Variants in ACBD6 observed in about 807,000 individuals in gnomAD.
The protein encoded by ACBD6 is acyl-CoA-binding domain-containing protein 6.
A neutral mutation model predicts 37.2 loss-of-function variants in ACBD6; 28 were observed. The observed-to-expected ratio is 0.75, with a 90% CI of 0.56 to 1.03. The LOEUF is 1.03. ACBD6 is among the 50% of genes least tolerant of loss of function. The pLI, the probability that ACBD6 is intolerant of heterozygous loss-of-function variation, is 0.00. For missense variants in ACBD6, 340 were observed against 337.4 expected, an observed-to-expected ratio of 1.01 and a Z score of -0.06; for synonymous variants, 113 against 126.8, an observed-to-expected ratio of 0.89 and a Z score of 0.73.
chr1:180,301,158 A>G (rs1476954492), intron 7 of ACBD6, among the ~76,000 whole-genome samples: 1 of 152,168 alleles, frequency 6.6e-6, no homozygotes, highest in East Asian at 1.9e-4. Flanking sequence ...TAACACCACT[A>G]CTGTATATCT....
At chr1:180,501,303 CAAT>C (rs1334300113) in intron 1 of ACBD6, among the ~76,000 whole-genome samples, 1 of 151,940 alleles carries the variant, frequency 6.6e-6, no homozygotes, top group Non-Finnish European at 1.5e-5. Context: ...ATAAAAATCA[CAAT>C]AAAAGTTGTA....
chr1:180,446,815 CG>C (rs1649493608), intron 3 of ACBD6, among the ~76,000 whole-genome samples: 1 of 152,006 alleles, frequency 6.6e-6, no homozygotes, highest in South Asian at 2.1e-4. Flanking sequence ...CAGAGGCAGG[CG>C]GATTACCCGA....
intron 6 of ACBD6, among the ~76,000 whole-genome samples, chr1:180,387,059 G>T (rs1304717241): frequency 6.6e-6 from 1 of 152,126 alleles, no homozygotes; most frequent in African/African-American, 2.4e-5. Context: ...TGCAGCTCCT[G>T]ATCTACTTTT....
At chr1:180,475,275 G>A (rs1042055258) in intron 3 of ACBD6, among the ~76,000 whole-genome samples, 15 of 152,124 alleles carry the variant, frequency 9.9e-5, no homozygotes, top group South Asian at 2.1e-4. Flanking sequence ...CCACCATCTC[G>A]GAAAGTTTCC....
At chr1:180,348,975 C>T (rs1652296531) in intron 6 of ACBD6, among the ~76,000 whole-genome samples, 1 of 152,048 alleles carries the variant, frequency 6.6e-6, no homozygotes, top group African/African-American at 2.4e-5. Flanking sequence ...AAAAATATAA[C>T]AGAATATTAC....
At chr1:180,335,916 G>C (rs1334967599) in intron 6 of ACBD6, among the ~76,000 whole-genome samples, 12,819 of 135,562 alleles carry the variant, frequency 0.095, 494 homozygotes, top group Middle Eastern at 0.16. Context: ...AGACAAAGAA[G>C]GCCATTACAT....
chr1:180,284,939 AC>A (rs1341146540), downstream of ACBD6, among the ~76,000 whole-genome samples: 10 of 151,968 alleles, frequency 6.6e-5, no homozygotes, highest in Non-Finnish European at 1.2e-4. Flanking sequence ...ATCACTTAAG[AC>A]CAGGAGTTCT....
chr1:180,412,679 G>A (rs1023821700), intron 5 of ACBD6, among the ~76,000 whole-genome samples: 9 of 151,958 alleles, frequency 5.9e-5, no homozygotes, highest in African/African-American at 1.5e-4. Context: ...CAACCCGGGC[G>A]ACATAGCAAG....
At chr1:180,371,636 A>G (rs1225429012) in intron 6 of ACBD6, among the ~76,000 whole-genome samples, 1 of 152,146 alleles carries the variant, frequency 6.6e-6, no homozygotes, top group Non-Finnish European at 1.5e-5. Context: ...AATTTCACCA[A>G]AGTGAGGAAC....
intron 3 of ACBD6, among the ~76,000 whole-genome samples, chr1:180,442,289 G>C (rs1042233242): frequency 6.9e-5 from 10 of 144,862 alleles, no homozygotes; most frequent in Admixed American, 4.1e-4. Context: ...TCAACTAGGG[G>C]CACTTTTTTT....
intron 6 of ACBD6, among the ~76,000 whole-genome samples, chr1:180,377,335 A>G (rs1359280410): frequency 6.6e-6 from 1 of 152,236 alleles, no homozygotes; most frequent in Non-Finnish European, 1.5e-5. Context: ...ACATATACAT[A>G]TATTTTGTAG....
At chr1:180,366,060 C>A (rs1268221740) in intron 6 of ACBD6, among the ~76,000 whole-genome samples, 1 of 152,136 alleles carries the variant, frequency 6.6e-6, no homozygotes, top group Non-Finnish European at 1.5e-5. Context: ...TTTAAAAGAA[C>A]ATTTAAAATT....
intron 6 of ACBD6, among the ~76,000 whole-genome samples, chr1:180,321,978 T>C (rs116440042): frequency 5.3e-5 from 8 of 152,140 alleles, no homozygotes; most frequent in African/African-American, 1.9e-4. Flanking sequence ...CCATTCACTA[T>C]GATACTAGCT....
intron 4 of ACBD6, among the ~76,000 whole-genome samples, chr1:180,413,749 C>T (rs1647960761): frequency 6.6e-6 from 1 of 151,798 alleles, no homozygotes; most frequent in African/African-American, 2.4e-5. Context: ...CAAAGAAAAT[C>T]AATTAGACAA....
chr1:180,486,938 G>A (rs1206344518), intron 3 of ACBD6, among the ~76,000 whole-genome samples: 1 of 152,016 alleles, frequency 6.6e-6, no homozygotes, highest in East Asian at 1.9e-4. Context: ...TAATTATAAG[G>A]AAACACCAGG....
At chr1:180,424,903 C>T (rs1432562142) in intron 4 of ACBD6, among the ~76,000 whole-genome samples, 1 of 152,084 alleles carries the variant, frequency 6.6e-6, no homozygotes, top group African/African-American at 2.4e-5. Context: ...ATGAAGCACG[C>T]TAGAAAAGGG....
intron 6 of ACBD6, among the ~76,000 whole-genome samples, chr1:180,382,980 T>C (rs1410799521): frequency 6.6e-6 from 1 of 152,138 alleles, no homozygotes; most frequent in Admixed American, 6.5e-5. Context: ...GAAAAAGCAT[T>C]TGATAGAATT....
chr1:180,498,865 A>T (rs1651841255), intron 1 of ACBD6, among the ~76,000 whole-genome samples: 1 of 152,156 alleles, frequency 6.6e-6, no homozygotes, highest in South Asian at 2.1e-4. Flanking sequence ...CAAAAAAAAA[A>T]AAAAAAGTAT....
chr1:180,498,823 A>G (rs1453048253), intron 1 of ACBD6, among the ~76,000 whole-genome samples: 4 of 151,796 alleles, frequency 2.6e-5, no homozygotes, highest in Admixed American at 1.3e-4. Context: ...ACGCCACTGC[A>G]TTCCAGCCTG....
Sources: gnomAD v4.1 joint callset for allele counts (sites outside exome capture counted in the v4.1 genomes callset) on GRCh38, gnomAD v4.1.1 for gene constraint, MANE v1.5 for transcripts, NCBI Gene and HGNC (gene_info 2026-07-23, HGNC 2026-07-21) for gene names.